Variants in ZNF236 observed in about 807,000 individuals in gnomAD.
The protein encoded by ZNF236 is zinc finger protein 236, also known as regulated by glucose.
In ZNF236, 50 loss-of-function variants were observed where a neutral mutation model predicts 191.2. That is an observed-to-expected ratio of 0.26 (90% CI 0.21 to 0.33). The LOEUF is 0.33. Among genes scored for constraint, ZNF236 ranks in the 10% least tolerant of loss-of-function variants. The pLI is 1.00. For synonymous variants in ZNF236, 907 were observed against 928.8 expected (o/e 0.98, Z 0.43); for missense variants, 1,754 against 2,374.5 (o/e 0.74, Z 5.43).
At chr18:76,844,499 C>T (rs781190349) in intron 1 of ZNF236, among the ~76,000 whole-genome samples, 3 of 151,984 alleles carry the variant, frequency 2.0e-5, no homozygotes, top group Non-Finnish European at 2.9e-5. Context: ...TATGTTAGAA[C>T]GATTTTTATT....
At chr18:76,910,312 A>C in intron 15 of ZNF236, 143 bp downstream of exon 15, 1 of 678,426 alleles carries the variant, frequency 1.5e-6, no homozygotes. Context: ...TGCATTGTAG[A>C]TTTTTTTTTA....
intron 11 of ZNF236, among the ~76,000 whole-genome samples, chr18:76,900,860 A>G (rs188151557): frequency 6.6e-6 from 1 of 152,344 alleles, no homozygotes; most frequent in East Asian, 1.9e-4. Flanking sequence ...CAGTTTTTCC[A>G]CAGATTGGGG....
intron 30 of ZNF236, among the ~76,000 whole-genome samples, chr18:76,965,892 G>T (rs142864546): frequency 0.015 from 2,349 of 152,360 alleles, 28 homozygotes; most frequent in Middle Eastern, 0.02. Flanking sequence ...TTTCCAGAGA[G>T]CATCAGCTGT....
chr18:76,846,727 C>A (rs992376867), intron 1 of ZNF236, among the ~76,000 whole-genome samples: 1 of 152,074 alleles, frequency 6.6e-6, no homozygotes, highest in African/African-American at 2.4e-5. Context: ...TGTTAACGTG[C>A]AGAGTCTTGC....
chr18:76,968,634 A>T lies in ZNF236; in HGVS notation c.*295A>T. 1 of 1,128,310 alleles carries T rather than the reference A, an allele frequency of 8.9e-7. No homozygotes were observed. Among genetic ancestry groups the T allele is most frequent in the Non-Finnish European group, 1.1e-6 (1 of 921,416 alleles). 69.9% of individuals were successfully genotyped at this position (1,128,310 alleles called of 1,614,324 possible). A position where few individuals can be genotyped will look rare whatever the true frequency, so the allele number is the denominator to read the frequency against. On this transcript the variant is annotated 3_prime_UTR_variant, in exon 31 of 31. Transcript: ENST00000320610. ...GTGTGTCTAGTTCACGAAGCAATTA[A>T]CTGGGTCTTACTATCATTGTAGTGT...
At chr18:76,876,040 T>A (rs1462834211) in intron 6 of ZNF236, among the ~76,000 whole-genome samples, 1 of 152,206 alleles carries the variant, frequency 6.6e-6, no homozygotes. Context: ...GAAAAAAAAG[T>A]GTTTTTCTTA....
rs917366869 is a variant in ZNF236 at position 76,919,019 on chromosome 18, T to C, written c.3275-757T>C. ...TATTTTCTTCTTTATAGTAATTGTT[T>C]TTAGTTGGGGGCTGTTTGCTAATTT... is the stretch of plus-strand genomic sequence containing the variant. On this transcript the variant is annotated intron_variant, in intron 19 of 30. Coordinates refer to ENST00000320610, the MANE Select transcript of ZNF236 (RefSeq NM_001306089.2). This position sits in a 1 kb window ranked among gnomAD's most constrained non-coding sequence, Gnocchi z 5.3. Among the ~76,000 whole-genome samples the C allele has an allele frequency of 7.2e-5, 11 of 152,208 alleles. No individual in the cohort carries two copies. The highest frequency in any genetic ancestry group is 2.4e-4 in the African/African-American group (10 of 41,456).
intron 19 of ZNF236, among the ~76,000 whole-genome samples, chr18:76,917,481 G>T (rs1209552469): frequency 6.6e-6 from 1 of 152,164 alleles, no homozygotes; most frequent in East Asian, 1.9e-4. Context: ...CACCTTGTAT[G>T]CCTTGTTTTC....
chr18:76,965,948 CAA>C, intron 30 of ZNF236, among the ~76,000 whole-genome samples: 1 of 152,238 alleles, frequency 6.6e-6, no homozygotes, highest in East Asian at 1.9e-4. Context: ...CTAGACCTCC[CAA>C]GAGTATATGC....
chr18:76,915,761 A>G lies in ZNF236; in HGVS notation c.3176A>G (p.Glu1059Gly), dbSNP rs749835393. The change falls in exon 19 of 31, where the codon GAG (glutamate) becomes GGG (glycine). Residue 1059 changes from glutamate (E) to glycine (G), a missense_variant. By Grantham distance (98) the Glu-to-Gly change is moderately conservative (BLOSUM62 -2). Around this residue, in one of 5 missense-constraint regions of ZNF236, gnomAD observed 641 missense variants for 869.6 expected, o/e 0.74. Transcript: ENST00000320610. ...AAGCCTTATAAGTGTCCGTTTTGTG[A>G]GGAGGGTTTCCGAACTACAGTGCAT... ...SMKPYKCPFCEEGFRTTVHCK... is the reference protein window; with the variant it reads ...SMKPYKCPFCGEGFRTTVHCK... 6.2e-7 allele frequency: 1 copy of G among 1,614,196 alleles called. No homozygotes were observed.
intron 17 of ZNF236, among the ~76,000 whole-genome samples, chr18:76,913,452 A>C (rs1967271057): frequency 6.6e-6 from 1 of 152,248 alleles, no homozygotes; most frequent in African/African-American, 2.4e-5. Context: ...GAGAGTTTCT[A>C]ATTAATCAAA....
chr18:76,925,366 C>T lies in ZNF236; in HGVS notation c.3839C>T (p.Pro1280Leu). 1 of 1,614,158 alleles carries T rather than the reference C, an allele frequency of 6.2e-7. No homozygotes were observed. Among genetic ancestry groups the T allele is most frequent in the Non-Finnish European group, 8.5e-7 (1 of 1,180,030 alleles). ...ATGCAGTTTCATTATAAACCAGACC[C>T]AAAGAAGGCCAGAAAGCCTATGACT... ...THMQFHYKPD[P>L]KKARKPMTRS... Residue 1280 changes from proline (P) to leucine (L), a missense_variant, in exon 22 of 31, where the codon CCA (proline) becomes CTA (leucine). By Grantham distance (98) the Pro-to-Leu change is moderately conservative (BLOSUM62 -3). Around this residue, in one of 5 missense-constraint regions of ZNF236, gnomAD observed 606 missense variants for 761.5 expected, o/e 0.80. Coordinates refer to ENST00000320610, the MANE Select transcript of ZNF236 (RefSeq NM_001306089.2). This position sits in a 1 kb window ranked among gnomAD's most constrained non-coding sequence, Gnocchi z 5.7.
intron 11 of ZNF236, among the ~76,000 whole-genome samples, chr18:76,903,829 G>C (rs1977668093): frequency 6.6e-6 from 1 of 151,210 alleles, no homozygotes; most frequent in African/African-American, 2.4e-5. Flanking sequence ...TTTGTTATTT[G>C]TAGATATCCC....
At chr18:76,902,402 C>G (rs1015322037) in intron 11 of ZNF236, among the ~76,000 whole-genome samples, 1 of 152,098 alleles carries the variant, frequency 6.6e-6, no homozygotes, top group Non-Finnish European at 1.5e-5. Flanking sequence ...ATTGAGGAAG[C>G]TAGCGGTAGT....
intron 3 of ZNF236, among the ~76,000 whole-genome samples, chr18:76,860,499 T>A (rs935378445): frequency 6.6e-6 from 1 of 152,260 alleles, no homozygotes; most frequent in Non-Finnish European, 1.5e-5. Flanking sequence ...CTGTTTTCTC[T>A]TCCACAGATG....
chr18:76,933,248 C>A (rs1231913119), intron 25 of ZNF236, among the ~76,000 whole-genome samples: 1 of 152,184 alleles, frequency 6.6e-6, no homozygotes, highest in African/African-American at 2.4e-5. Flanking sequence ...GCGGGCGGAT[C>A]ACCTGAGGTC....
In ZNF236 at chr18:76,895,001, C is replaced by G; in HGVS notation, c.1418-12C>G. On this transcript the variant is annotated splice_polypyrimidine_tract_variant and intron_variant, in intron 9 of 30. Transcript: ENST00000320610. The stretch of plus-strand genomic sequence containing the variant: ...GTCCAGGCCAAGCGGGACGTGTCCT[C>G]TCCCTTCACAGGCTCCATCCGCGAG... 6.2e-7 allele frequency: 1 copy of G among 1,606,946 alleles called. No homozygotes were observed. The highest frequency in any genetic ancestry group is 8.5e-7 in the Non-Finnish European group (1 of 1,179,730).
chr18:76,918,323 A>T (rs1273792533), intron 19 of ZNF236, among the ~76,000 whole-genome samples: 1 of 152,218 alleles, frequency 6.6e-6, no homozygotes, highest in African/African-American at 2.4e-5. Context: ...AGTTCCTGAT[A>T]TCAAACAGCA....
At chr18:76,922,358 G>A (rs1322735259) in intron 20 of ZNF236, among the ~76,000 whole-genome samples, 1 of 152,202 alleles carries the variant, frequency 6.6e-6, no homozygotes, top group African/African-American at 2.4e-5. Flanking sequence ...GCAGCCAACA[G>A]GATGGGGGAA....
Sources: allele counts gnomAD v4.1 joint callset (sites outside exome capture counted in the v4.1 genomes callset), GRCh38; gene constraint gnomAD v4.1.1; regional missense constraint gnomAD v4.1.1; non-coding constraint Gnocchi (gnomAD v3.1); transcripts MANE v1.5; gene names NCBI Gene and HGNC (gene_info 2026-07-23, HGNC 2026-07-21).